AFF3: variants seen among roughly 807,000 people sequenced by gnomAD.
AFF3 encodes the protein AF4/FMR2 family member 3.
Under a neutral mutation model 129.7 loss-of-function variants are expected in AFF3, and 32 were observed. The observed-to-expected ratio is 0.25, with a 90% CI of 0.19 to 0.33. The LOEUF (loss-of-function observed/expected upper bound fraction) is 0.33. Among genes scored for constraint, AFF3 ranks in the 10% least tolerant of loss-of-function variants. AFF3 has a pLI of 1.00. For synonymous variants in AFF3, 644 were observed against 635.4 expected (o/e 1.01, Z -0.20); for missense variants, 1,373 against 1,592.0 (o/e 0.86, Z 2.34).
chr2:99,910,134 C>CAT (rs1695013480), intron 7 of AFF3, among the ~76,000 whole-genome samples: 1 of 152,164 alleles, frequency 6.6e-6, no homozygotes, highest in African/African-American at 2.4e-5. Context: ...TACTACAATG[C>CAT]TATCCCCTGC....
At chr2:100,107,463 A>G (rs1443031033) in intron 2 of AFF3, 8 of 985,206 alleles carry the variant, frequency 8.1e-6, no homozygotes, top group Admixed American at 6.1e-5. Flanking sequence ...TTTTTTATGT[A>G]AAAGAGAAAG....
chr2:100,094,934 CATGTGGGCA>C (rs1336480588), intron 4 of AFF3, among the ~76,000 whole-genome samples: 2 of 131,072 alleles, frequency 1.5e-5, no homozygotes, highest in Admixed American at 7.3e-5. Context: ...GCAAGTGGGC[CATGTGGGCA>C]ACCTATCTTC....
At chr2:99,936,936 T>A (rs2106325615) in intron 7 of AFF3, among the ~76,000 whole-genome samples, 1 of 152,228 alleles carries the variant, frequency 6.6e-6, no homozygotes, top group South Asian at 2.1e-4. Context: ...TCAGGTCTAA[T>A]CCCAAGACAG....
intron 19 of AFF3, among the ~76,000 whole-genome samples, chr2:99,567,270 G>A (rs1040573514): frequency 5.9e-5 from 9 of 151,748 alleles, no homozygotes; most frequent in Non-Finnish European, 1.2e-4. Context: ...GTGAGCCACC[G>A]TGCCTGGCCT....
chr2:100,129,677 G>C (rs1692341052), intron 1 of AFF3, among the ~76,000 whole-genome samples: 1 of 152,132 alleles, frequency 6.6e-6, no homozygotes, highest in Admixed American at 6.5e-5. Context: ...CAGATCCAGT[G>C]TCTATATAAT....
At chr2:99,853,580 T>C (rs1690303686) in intron 7 of AFF3, among the ~76,000 whole-genome samples, 1 of 152,212 alleles carries the variant, frequency 6.6e-6, no homozygotes, top group South Asian at 2.1e-4. Flanking sequence ...TGCTAAGTGC[T>C]TTATAGTCAT....
At chr2:99,578,493 T>C in intron 17 of AFF3, 42 bp from the exon 18 acceptor site, 1 of 1,605,158 alleles carries the variant, frequency 6.2e-7, no homozygotes, top group Non-Finnish European at 8.5e-7. Context: ...ATTGGCCACC[T>C]GGTGAAGCGA....
intron 11 of AFF3, among the ~76,000 whole-genome samples, chr2:99,673,136 C>G (rs1687314444): frequency 6.6e-6 from 1 of 151,856 alleles, no homozygotes; most frequent in Non-Finnish European, 1.5e-5. Context: ...TTTCCAAGCT[C>G]CCAGTGCTGG....
intron 7 of AFF3, among the ~76,000 whole-genome samples, chr2:99,977,737 G>C (rs1679025336): frequency 6.6e-6 from 1 of 152,188 alleles, no homozygotes. Flanking sequence ...AACCCTAGGG[G>C]ACACACAAGG....
chr2:99,914,723 G>A lies in AFF3; in HGVS notation c.874-77199C>T, dbSNP rs545326454. ...AAGGTCGGGAGTTTGAAACCAGCCT[G>A]GCCAAAATGATGAAACCCCATCTCT... On this transcript the variant is annotated intron_variant, in intron 7 of 24. Coordinates refer to ENST00000672756, the MANE Select transcript of AFF3 (RefSeq NM_001386135.1). 5.3e-5 allele frequency among the ~76,000 whole-genome samples: 8 copies of A among 151,776 alleles called. No homozygotes were observed. The South Asian group carries it at 1.7e-3, about 32-fold the overall frequency.
At chr2:99,566,307 G>C (rs1004822991) in intron 19 of AFF3, among the ~76,000 whole-genome samples, 1 of 151,788 alleles carries the variant, frequency 6.6e-6, no homozygotes. Flanking sequence ...GTGAGAGTGA[G>C]TAGGGGAAAG....
At chr2:99,651,173 C>CAA (rs113457105) in intron 12 of AFF3, among the ~76,000 whole-genome samples, 8 of 122,008 alleles carry the variant, frequency 6.6e-5, no homozygotes, top group African/African-American at 1.9e-4. Context: ...AAGTCTGTCT[C>CAA]AAAAAAAAAA....
Position 99,727,106 on chromosome 2 carries a change from C to T in AFF3, c.1062G>A (p.Glu354=). 1.9e-6 allele frequency: 3 copies of T among 1,610,918 alleles called. No individual in the cohort carries two copies. The highest frequency in any genetic ancestry group is 2.2e-5 in the East Asian group (1 of 44,826). The part of the protein sequence containing the change: ...NNPKKGDAEP[E]SPDNGTSNTS... ...TATTCGATGTGCCATTGTCTGGACT[C>T]TCTGGCTCTGCATCACCTTTCTCTT... The change falls in exon 11 of 25, where the codon GAG becomes GAA. Residue 354 remains glutamate, a synonymous_variant. Transcript: ENST00000672756.
chr2:99,943,307 C>T (rs1431706854), intron 7 of AFF3, among the ~76,000 whole-genome samples: 1 of 152,202 alleles, frequency 6.6e-6, no homozygotes, highest in African/African-American at 2.4e-5. Flanking sequence ...CCATGCTGGA[C>T]AGTGTCTGCA....
At chr2:99,795,424 G>A (rs1280419511) in intron 8 of AFF3, among the ~76,000 whole-genome samples, 2 of 152,150 alleles carry the variant, frequency 1.3e-5, no homozygotes, top group Non-Finnish European at 2.9e-5. Flanking sequence ...GGCAGTGAGG[G>A]ATGCGAAATT....
chr2:100,026,895 A>G (rs568747932), intron 4 of AFF3, among the ~76,000 whole-genome samples: 9 of 151,572 alleles, frequency 5.9e-5, no homozygotes, highest in South Asian at 2.1e-4. Flanking sequence ...ACAAAAAGGC[A>G]TAAGAATGAT....
chr2:99,589,142 A>G (rs2104912628), intron 15 of AFF3, among the ~76,000 whole-genome samples: 1 of 152,318 alleles, frequency 6.6e-6, no homozygotes, highest in Middle Eastern at 3.4e-3. Context: ...TTTCATGTGT[A>G]TATTTCCATC....
At chr2:99,874,907 T>TAG (rs1692169844) in intron 7 of AFF3, among the ~76,000 whole-genome samples, 1 of 152,094 alleles carries the variant, frequency 6.6e-6, no homozygotes, top group African/African-American at 2.4e-5. Context: ...AAAAAAACAT[T>TAG]AGAGTGAGAC....
intron 7 of AFF3, among the ~76,000 whole-genome samples, chr2:99,868,080 C>T (rs530512092): frequency 1.3e-4 from 20 of 149,410 alleles, no homozygotes; most frequent in Non-Finnish European, 1.9e-4. Flanking sequence ...CACTGAAAAA[C>T]GCACAGATGG....
Sources: gnomAD v4.1 joint callset for allele counts (sites outside exome capture counted in the v4.1 genomes callset) on GRCh38, gnomAD v4.1.1 for gene constraint, MANE v1.5 for transcripts, NCBI Gene and HGNC (gene_info 2026-07-23, HGNC 2026-07-21) for gene names.